Variants in SEZ6L observed in about 807,000 individuals in gnomAD.
The protein encoded by SEZ6L is seizure 6-like protein.
In SEZ6L, 37 loss-of-function variants were observed where a neutral mutation model predicts 106.2. The observed-to-expected ratio is 0.35, with a 90% CI of 0.27 to 0.46. The LOEUF (loss-of-function observed/expected upper bound fraction) is 0.46, where lower values mean the gene tolerates loss of function less well. SEZ6L is among the 20% of genes least tolerant of loss of function. The pLI, the probability that SEZ6L is intolerant of heterozygous loss-of-function variation, is 1.00. For missense variants in SEZ6L, 1,172 were observed against 1,332.8 expected, an observed-to-expected ratio of 0.88 and a Z score of 1.88; for synonymous variants, 541 against 570.4, an observed-to-expected ratio of 0.95 and a Z score of 0.73.
At chr22:26,212,055 C>G (rs905240741) in intron 1 of SEZ6L, among the ~76,000 whole-genome samples, 41 of 151,930 alleles carry the variant, frequency 2.7e-4, no homozygotes, top group African/African-American at 8.7e-4. Flanking sequence ...CAAGTGGAAG[C>G]TAACTAGGTG....
intron 1 of SEZ6L, among the ~76,000 whole-genome samples, chr22:26,280,098 T>C (rs2080712260): frequency 6.6e-6 from 1 of 152,222 alleles, no homozygotes; most frequent in Non-Finnish European, 1.5e-5. Context: ...ATTACCTGGT[T>C]CAAATGTTAC....
intron 9 of SEZ6L, among the ~76,000 whole-genome samples, chr22:26,320,000 A>G (rs1476063981): frequency 6.6e-6 from 1 of 152,186 alleles, no homozygotes; most frequent in African/African-American, 2.4e-5. Flanking sequence ...CATGGCCTCC[A>G]TTTTTTAGTA....
chr22:26,330,746 GT>G (rs930399025), intron 9 of SEZ6L, among the ~76,000 whole-genome samples: 3 of 142,172 alleles, frequency 2.1e-5, no homozygotes, highest in African/African-American at 7.9e-5. Context: ...TACCGTTTTT[GT>G]TTTCCCGAAA....
chr22:26,309,996 C>G (rs2081765689), intron 6 of SEZ6L, among the ~76,000 whole-genome samples: 1 of 152,198 alleles, frequency 6.6e-6, no homozygotes, highest in Non-Finnish European at 1.5e-5. Flanking sequence ...GACTCACACC[C>G]AGGTCTGCCT....
chr22:26,318,416 A>T (rs572604660), intron 9 of SEZ6L, among the ~76,000 whole-genome samples: 1 of 151,840 alleles, frequency 6.6e-6, no homozygotes, highest in African/African-American at 2.4e-5. Context: ...CTCCAAAAAA[A>T]AAAAAGTGCC....
intron 1 of SEZ6L, among the ~76,000 whole-genome samples, chr22:26,286,606 C>A (rs2080940101): frequency 6.6e-6 from 1 of 152,150 alleles, no homozygotes; most frequent in Non-Finnish European, 1.5e-5. Context: ...TAGCATCTCC[C>A]AGCTCTCGTT....
chr22:26,223,402 A>C (rs1238014416), intron 1 of SEZ6L, among the ~76,000 whole-genome samples: 1 of 152,192 alleles, frequency 6.6e-6, no homozygotes, highest in African/African-American at 2.4e-5. Context: ...TAAGCCACTA[A>C]ATTTCCTTGC....
rs904243934 is a variant in SEZ6L at position 26,314,450 on chromosome 22, T to G, written c.2015+548T>G. On this transcript the variant is annotated intron_variant, in intron 9 of 16. Transcript: ENST00000248933. Reference sequence around the variant, plus strand: ...AGGGGGCACTGTAACACCCATTTACTGGACTACAGTTGTTTATTTTCCTGT... The same window carrying G: ...AGGGGGCACTGTAACACCCATTTACGGGACTACAGTTGTTTATTTTCCTGT... Among the ~76,000 whole-genome samples, 30 of 152,220 alleles carry G rather than the reference T, an allele frequency of 2.0e-4. 2 individuals carry two copies. Among genetic ancestry groups the G allele is most frequent in the Admixed American group, 5.9e-4 (9 of 15,284 alleles).
chr22:26,348,648 A>AAAGAAAGAAAG (rs1569473651), intron 11 of SEZ6L, among the ~76,000 whole-genome samples: 6 of 18,594 alleles, frequency 3.2e-4, no homozygotes, highest in African/African-American at 1.4e-3. Flanking sequence ...AAGAAAGAAA[A>AAAGAAAGAAAG]AGAAAGAAAG....
intron 13 of SEZ6L, among the ~76,000 whole-genome samples, chr22:26,372,038 G>A (rs2084054150): frequency 6.6e-6 from 1 of 152,250 alleles, no homozygotes; most frequent in South Asian, 2.1e-4. Context: ...CAGTTCTGCT[G>A]TGGACCACCT....
intron 1 of SEZ6L, among the ~76,000 whole-genome samples, chr22:26,183,061 A>G (rs1939517876): frequency 6.6e-6 from 1 of 152,212 alleles, no homozygotes; most frequent in African/African-American, 2.4e-5. Flanking sequence ...ACAAACTCCT[A>G]TAATGCACTA....
At chr22:26,329,564 T>C (rs992411335) in intron 9 of SEZ6L, among the ~76,000 whole-genome samples, 1 of 152,274 alleles carries the variant, frequency 6.6e-6, no homozygotes, top group Non-Finnish European at 1.5e-5. Flanking sequence ...TCCCTGGAGC[T>C]GACATGGTTT....
intron 1 of SEZ6L, among the ~76,000 whole-genome samples, chr22:26,247,254 T>C (rs1275344847): frequency 6.6e-6 from 1 of 152,122 alleles, no homozygotes; most frequent in African/African-American, 2.4e-5. Context: ...CTTCACGGAA[T>C]CTGGGTTCAA....
In SEZ6L at chr22:26,201,893, A is replaced by C. The variant is rs537234127; in HGVS notation, c.94+32130A>C. 2.6e-5 allele frequency among the ~76,000 whole-genome samples: 4 copies of C among 152,196 alleles called. No homozygotes were observed. The South Asian group carries it at 8.3e-4, about 32-fold the overall frequency. ...TTTTCTAAAAGGAAGGCAACAGCTG[A>C]GTCAGATTTTTTGTTGTTGTTTGTT... is the stretch of plus-strand genomic sequence containing the variant. On this transcript the variant is annotated intron_variant, in intron 1 of 16. Transcript: ENST00000248933.
At chr22:26,348,590 A>AAGAAAGAAAGAAAGAAAGAAAG (rs1569473405) in intron 11 of SEZ6L, among the ~76,000 whole-genome samples, 18 of 67,470 alleles carry the variant, frequency 2.7e-4, no homozygotes, top group East Asian at 1.9e-3. Context: ...AAGAAAGAGA[A>AAGAAAGAAAGAAAGAAAGAAAG]AGAAAGAAAG....
chr22:26,372,476 G>A (rs982461767), intron 13 of SEZ6L, among the ~76,000 whole-genome samples: 4 of 152,146 alleles, frequency 2.6e-5, no homozygotes, highest in African/African-American at 9.7e-5. Flanking sequence ...TTTTCAGCTG[G>A]TTTTGTCATC....
intron 1 of SEZ6L, among the ~76,000 whole-genome samples, chr22:26,279,910 C>T (rs181080613): frequency 2.0e-5 from 3 of 152,258 alleles, no homozygotes. Context: ...GTTCTCTGCC[C>T]TCCTCTGAAA....
At chr22:26,355,086 C>G (rs2083400106) in intron 12 of SEZ6L, among the ~76,000 whole-genome samples, 1 of 152,246 alleles carries the variant, frequency 6.6e-6, no homozygotes, top group South Asian at 2.1e-4. Flanking sequence ...AGACATAAAA[C>G]AGCTTTGAAA....
chr22:26,339,956 C>T (rs554807584), intron 9 of SEZ6L, among the ~76,000 whole-genome samples: 6 of 152,274 alleles, frequency 3.9e-5, no homozygotes, highest in African/African-American at 9.6e-5. Flanking sequence ...AACTGACGGC[C>T]GGGCACAGTG....
Sources: gnomAD v4.1 joint callset for allele counts (sites outside exome capture counted in the v4.1 genomes callset) on GRCh38, gnomAD v4.1.1 for gene constraint, MANE v1.5 for transcripts, NCBI Gene and HGNC (gene_info 2026-07-23, HGNC 2026-07-21) for gene names.